Variants in MFHAS1 observed in about 807,000 individuals in gnomAD.
The protein encoded by MFHAS1 is multifunctional ROCO family signaling regulator 1.
MFHAS1 carries 50 observed loss-of-function variants against 70.4 expected under a neutral mutation model. The ratio of observed to expected loss-of-function variants is 0.71; its 90% confidence interval spans 0.57 to 0.90. The LOEUF (loss-of-function observed/expected upper bound fraction) is 0.90. Among genes scored for constraint, MFHAS1 ranks in the 40% least tolerant of loss-of-function variants. The pLI, the probability that MFHAS1 is intolerant of heterozygous loss-of-function variation, is 0.00. For synonymous variants in MFHAS1, 952 were observed against 620.0 expected, an observed-to-expected ratio of 1.54 and a Z score of -7.96; for missense variants, 1,795 against 1,347.6, an observed-to-expected ratio of 1.33 and a Z score of -5.20.
At chr8:8,817,118 A>G (rs1426944437) in intron 1 of MFHAS1, among the ~76,000 whole-genome samples, 1 of 152,194 alleles carries the variant, frequency 6.6e-6, no homozygotes, top group Non-Finnish European at 1.5e-5. Context: ...GCACACAGCA[A>G]TCTAGTGGCA....
chr8:8,829,845 T>A (rs1407051201), intron 1 of MFHAS1, among the ~76,000 whole-genome samples: 1 of 152,098 alleles, frequency 6.6e-6, no homozygotes, highest in Admixed American at 6.5e-5. Flanking sequence ...AACAGAACTG[T>A]CCACAAATGG....
At chr8:8,789,724 C>T (rs1022923379) in intron 2 of MFHAS1, among the ~76,000 whole-genome samples, 1 of 152,238 alleles carries the variant, frequency 6.6e-6, no homozygotes, top group East Asian at 1.9e-4. Flanking sequence ...ACAATTTGCC[C>T]GGAGTATACT....
chr8:8,804,567 C>T (rs1015458677), intron 1 of MFHAS1, among the ~76,000 whole-genome samples: 2 of 152,208 alleles, frequency 1.3e-5, no homozygotes, highest in African/African-American at 2.4e-5. Flanking sequence ...AGAAAGCCCT[C>T]AGCACCTATC....
In MFHAS1 at chr8:8,784,767, T is replaced by C. The variant is rs1279481616; in HGVS notation, c.*1255A>G. 1.3e-5 allele frequency: 2 copies of C among 152,184 alleles called. No individual in the cohort carries two copies. Among genetic ancestry groups the C allele is most frequent in the South Asian group, 2.1e-4 (1 of 4,834 alleles). 9.4% of individuals were successfully genotyped at this position (152,184 alleles called of 1,614,324 possible). ...AATGTAAACAGAGTTTTTTACACTC[T>C]CCGAAAAACATGTTACTACTGTAGC... On this transcript the variant is annotated 3_prime_UTR_variant, in exon 3 of 3. Coordinates refer to ENST00000276282, the MANE Select transcript of MFHAS1 (RefSeq NM_004225.3).
At chr8:8,823,730 G>A (rs897844430) in intron 1 of MFHAS1, among the ~76,000 whole-genome samples, 3 of 149,282 alleles carry the variant, frequency 2.0e-5, no homozygotes, top group African/African-American at 7.4e-5. Flanking sequence ...ACAGGTCACC[G>A]AGAAGAGCAT....
intron 1 of MFHAS1, among the ~76,000 whole-genome samples, chr8:8,853,388 G>A (rs766225413): frequency 1.1e-4 from 16 of 146,782 alleles, no homozygotes; most frequent in East Asian, 6.4e-4. Context: ...GATCTGACTC[G>A]TAATTACAGT....
chr8:8,885,554 T>C (rs76285692), intron 1 of MFHAS1, among the ~76,000 whole-genome samples: 2,707 of 152,184 alleles, frequency 0.018, 71 homozygotes, highest in African/African-American at 0.06. Context: ...TAGAACAGAA[T>C]AAAAGCATAA....
intron 1 of MFHAS1, among the ~76,000 whole-genome samples, chr8:8,823,903 G>A (rs182310327): frequency 4.0e-5 from 5 of 125,380 alleles, no homozygotes; most frequent in Middle Eastern, 3.5e-3. Flanking sequence ...ATGAGTGAGC[G>A]CTCACAGAAA....
chr8:8,876,550 C>T (rs972131761), intron 1 of MFHAS1, among the ~76,000 whole-genome samples: 14 of 151,994 alleles, frequency 9.2e-5, no homozygotes, highest in African/African-American at 1.4e-4. Flanking sequence ...GTGTGGCTAA[C>T]GTGGTGAAAC....
At chr8:8,814,934 T>C (rs1001258809) in intron 1 of MFHAS1, among the ~76,000 whole-genome samples, 1 of 151,150 alleles carries the variant, frequency 6.6e-6, no homozygotes, top group Non-Finnish European at 1.5e-5. Context: ...ACGTGTGCCA[T>C]GGGAGTTTGC....
rs1447194898 is a variant in MFHAS1, at chr8:8,833,379, A to G, written c.2999-35888T>C. On this transcript the variant is annotated intron_variant, in intron 1 of 2. Coordinates refer to ENST00000276282, the MANE Select transcript of MFHAS1 (RefSeq NM_004225.3). Reference sequence around the variant, plus strand: ...GTGCAGTGATTCATGCCATAATCCTAACATATGGAGAGGCGGAAGTGGGAG... The same window carrying G: ...GTGCAGTGATTCATGCCATAATCCTGACATATGGAGAGGCGGAAGTGGGAG... 3.9e-5 allele frequency among the ~76,000 whole-genome samples: 6 copies of G among 152,182 alleles called. No homozygotes were observed. The East Asian group carries it at 1.2e-3, about 29-fold the overall frequency.
intron 1 of MFHAS1, among the ~76,000 whole-genome samples, chr8:8,814,378 C>A (rs1433282868): frequency 6.6e-6 from 1 of 152,224 alleles, no homozygotes; most frequent in African/African-American, 2.4e-5. Flanking sequence ...GAGCAATAGG[C>A]TAGACCCTAC....
rs115020527 is a variant in MFHAS1, at chr8:8,820,753, G to A, written c.2999-23262C>T. Among the ~76,000 whole-genome samples, 1,035 of 152,262 alleles carry A rather than the reference G, an allele frequency of 6.8e-3. 14 individuals carry two copies. Among genetic ancestry groups the A allele is most frequent in the African/African-American group, 0.023 (942 of 41,542 alleles). On this transcript the variant is annotated intron_variant, in intron 1 of 2. Coordinates refer to ENST00000276282, the MANE Select transcript of MFHAS1 (RefSeq NM_004225.3). ...ATGGGAAAAACTCCAGGGGTGCCCC[G>A]GGAAAATCTCTAGCCGTCTGGCCAG...
intron 1 of MFHAS1, among the ~76,000 whole-genome samples, chr8:8,823,614 A>G (rs977310471): frequency 6.6e-6 from 1 of 151,884 alleles, no homozygotes; most frequent in Non-Finnish European, 1.5e-5. Flanking sequence ...TTTAGCATGA[A>G]GTAGAACAAT....
intron 1 of MFHAS1, among the ~76,000 whole-genome samples, chr8:8,869,368 G>A (rs140431315): frequency 5.2e-4 from 79 of 152,120 alleles, no homozygotes; most frequent in African/African-American, 1.7e-3. Context: ...AAAGAACTCC[G>A]GGGCACGCTA....
In MFHAS1 at chr8:8,891,194, G is replaced by A. The variant is rs1476002542; in HGVS notation, c.1865C>T (p.Ser622Phe). Residue 622 changes from serine (S) to phenylalanine (F), a missense_variant, in exon 1 of 3, where the codon TCC (serine) becomes TTC (phenylalanine). Coordinates refer to ENST00000276282, the MANE Select transcript of MFHAS1 (RefSeq NM_004225.3). This position sits in a 1 kb window ranked among gnomAD's most constrained non-coding sequence, Gnocchi z 5.4. ...CCTGCAGCTAACAGGCAACACGGGGGAGAGGATCTGCAGCCGGTGGTTGAG... is the reference window on the plus strand; with the variant it reads ...CCTGCAGCTAACAGGCAACACGGGGAAGAGGATCTGCAGCCGGTGGTTGAG... ...YLLNHRLQIL[S>F]PVLPVSCRDP... The A allele has an allele frequency of 1.2e-6, 2 of 1,612,920 alleles. No homozygotes were observed. The highest frequency in any genetic ancestry group is 1.7e-6 in the Non-Finnish European group (2 of 1,180,044).
At position 8,875,578 on chromosome 8, in the gene MFHAS1, T is replaced by C. The variant is rs116071359; in HGVS notation, c.2998+14483A>G. ...GATACCCACCATGAGAAACTTTTTT[T>C]TCTTCTACTCTCCAAATTTTTTATG... On this transcript the variant is annotated intron_variant, in intron 1 of 2. Coordinates refer to ENST00000276282, the MANE Select transcript of MFHAS1 (RefSeq NM_004225.3). 7.0e-3 allele frequency among the ~76,000 whole-genome samples: 1,062 copies of C among 152,272 alleles called. 17 individuals carry two copies. The highest frequency in any genetic ancestry group is 0.025 in the African/African-American group (1,024 of 41,558).
chr8:8,878,976 A>T (rs968288605), intron 1 of MFHAS1, among the ~76,000 whole-genome samples: 3 of 152,232 alleles, frequency 2.0e-5, no homozygotes, highest in Non-Finnish European at 4.4e-5. Context: ...GTCAGCATTC[A>T]TATAGTCTTT....
rs1018239004 is a variant in MFHAS1 at position 8,893,105 on chromosome 8, G to A, written c.-47C>T. 13 of 1,336,200 alleles carry A rather than the reference G, an allele frequency of 9.7e-6. No individual in the cohort carries two copies. In the African/African-American group the frequency reaches 1.4e-4, roughly 14 times the overall value. 82.8% of individuals were successfully genotyped at this position (1,336,200 alleles called of 1,614,324 possible). On this transcript the variant is annotated 5_prime_UTR_variant, in exon 1 of 3. Coordinates refer to ENST00000276282, the MANE Select transcript of MFHAS1 (RefSeq NM_004225.3). ...CCTCACGCGGACGCGGGAGCCCGCA[G>A]CTACATGCCGCGCCGCGCCCCGGGC...
Sources: allele counts gnomAD v4.1 joint callset (sites outside exome capture counted in the v4.1 genomes callset), GRCh38; gene constraint gnomAD v4.1.1; non-coding constraint Gnocchi (gnomAD v3.1); transcripts MANE v1.5; gene names NCBI Gene and HGNC (gene_info 2026-07-23, HGNC 2026-07-21).